Variants in DBT observed in about 807,000 individuals in gnomAD.
DBT encodes lipoamide acyltransferase component of branched-chain alpha-keto acid dehydrogenase complex, mitochondrial.
DBT carries 40 observed loss-of-function variants against 51.3 expected under a neutral mutation model. The ratio of observed to expected loss-of-function variants is 0.78; its 90% confidence interval spans 0.61 to 1.02. The LOEUF is 1.02. Among genes scored for constraint, DBT ranks in the 50% least tolerant of loss-of-function variants. The pLI, the probability that DBT is intolerant of heterozygous loss-of-function variation, is 0.00. For missense variants in DBT, 510 were observed against 580.2 expected, an observed-to-expected ratio of 0.88 and a Z score of 1.24; for synonymous variants, 181 against 190.4, an observed-to-expected ratio of 0.95 and a Z score of 0.41.
At chr1:100,203,117 C>A (rs1412534456) in intron 10 of DBT, among the ~76,000 whole-genome samples, 1 of 151,898 alleles carries the variant, frequency 6.6e-6, no homozygotes, top group Non-Finnish European at 1.5e-5. Context: ...CTGAAGGAGA[C>A]AGAGACACAA....
chr1:100,224,245 C>T (rs747856005), intron 4 of DBT, among the ~76,000 whole-genome samples: 4 of 151,998 alleles, frequency 2.6e-5, no homozygotes, highest in Admixed American at 6.6e-5. Context: ...ACTTTGTGTT[C>T]GTCTTTTATA....
intron 5 of DBT, among the ~76,000 whole-genome samples, chr1:100,216,635 G>A (rs761854108): frequency 6.6e-6 from 1 of 151,982 alleles, no homozygotes; most frequent in African/African-American, 2.4e-5. Context: ...ATTCTTACTC[G>A]ACCTTTTCTA....
chr1:100,210,323 A>G (rs1437509598), intron 8 of DBT, among the ~76,000 whole-genome samples: 2 of 63,274 alleles, frequency 3.2e-5, no homozygotes, highest in South Asian at 1.0e-3. Flanking sequence ...TAATAATAAT[A>G]ATAAGAAGAA....
At chr1:100,246,097 A>C (rs1490108216) in intron 1 of DBT, among the ~76,000 whole-genome samples, 1 of 152,096 alleles carries the variant, frequency 6.6e-6, no homozygotes, top group Non-Finnish European at 1.5e-5. Flanking sequence ...CCCCGTCTCT[A>C]TTAAAAATAC....
At chr1:100,235,680 C>G (rs970937969) in intron 2 of DBT, among the ~76,000 whole-genome samples, 169 bp from the exon 3 acceptor site, 1 of 152,100 alleles carries the variant, frequency 6.6e-6, no homozygotes, top group African/African-American at 2.4e-5. Flanking sequence ...TTATTCATAA[C>G]CATTAGAGAT....
In DBT at chr1:100,229,051, C is replaced by T. The variant is rs140900265; in HGVS notation, c.433+1682G>A. ...GTAGTAGGAAGCCTTCAATAAATCA[C>T]CTTCTAGCTTTTAGAAGCAACATGT... On this transcript the variant is annotated intron_variant, in intron 4 of 10. Transcript: ENST00000370132. Among the ~76,000 whole-genome samples, 252 of 152,340 alleles carry T rather than the reference C, an allele frequency of 1.7e-3. 2 individuals carry two copies. The highest frequency in any genetic ancestry group is 6.8e-3 in the Middle Eastern group (2 of 294).
rs909246677 is a variant in DBT at position 100,191,422 on chromosome 1, A to G, written c.*4833T>C. ...GCCTTCCACTCCCTACTCTACTGCC[A>G]CCTCAGCTTCCTCTCTATCCATGTC... On this transcript the variant is annotated 3_prime_UTR_variant, in exon 11 of 11. Coordinates refer to ENST00000370132, the MANE Select transcript of DBT (RefSeq NM_001918.5). 6.6e-6 allele frequency: 1 copy of G among 152,204 alleles called. No homozygotes were observed. The highest frequency in any genetic ancestry group is 2.4e-5 in the African/African-American group (1 of 41,462). 9.4% of individuals were successfully genotyped at this position (152,204 alleles called of 1,614,324 possible). A position where few individuals can be genotyped will look rare whatever the true frequency, so the allele number is the denominator to read the frequency against.
chr1:100,228,521 G>C (rs1239627726), intron 4 of DBT, among the ~76,000 whole-genome samples: 1 of 152,222 alleles, frequency 6.6e-6, no homozygotes, highest in African/African-American at 2.4e-5. Flanking sequence ...CACTTCAGGA[G>C]GATGCGGCCA....
rs1268121545 is a variant in DBT at position 100,194,781 on chromosome 1, T to C, written c.*1474A>G. 1.3e-5 allele frequency: 2 copies of C among 152,344 alleles called. No individual in the cohort carries two copies. Among genetic ancestry groups the C allele is most frequent in the South Asian group, 4.1e-4 (2 of 4,824 alleles). 9.4% of individuals were successfully genotyped at this position (152,344 alleles called of 1,614,324 possible). On this transcript the variant is annotated 3_prime_UTR_variant, in exon 11 of 11. Coordinates refer to ENST00000370132, the MANE Select transcript of DBT (RefSeq NM_001918.5). The stretch of plus-strand genomic sequence containing the variant: ...GTTACAAGTCATCACACCTGGCTGA[T>C]TTATTCTTTCCTGATTTTAAAATTA...
At chr1:100,211,970 C>T (rs1662171897) in intron 7 of DBT, among the ~76,000 whole-genome samples, 1 of 152,096 alleles carries the variant, frequency 6.6e-6, no homozygotes, top group Non-Finnish European at 1.5e-5. Context: ...TGGGGTTTCA[C>T]CATGTTGCCC....
chr1:100,243,080 A>G (rs1174435579), intron 1 of DBT, among the ~76,000 whole-genome samples: 2 of 151,854 alleles, frequency 1.3e-5, no homozygotes, highest in African/African-American at 4.8e-5. Flanking sequence ...AGCCTGGTCA[A>G]CATGACGAGA....
intron 1 of DBT, among the ~76,000 whole-genome samples, chr1:100,243,718 T>C (rs1664366524): frequency 6.6e-6 from 1 of 152,046 alleles, no homozygotes; most frequent in South Asian, 2.1e-4. Flanking sequence ...AAGTAATTTG[T>C]CCAAGGTCAC....
chr1:100,187,156 C>T lies in DBT; in HGVS notation c.*9099G>A, dbSNP rs1660604188. The T allele has an allele frequency of 6.6e-6, 1 of 152,120 alleles. No homozygotes were observed. The highest frequency in any genetic ancestry group is 2.4e-5 in the African/African-American group (1 of 41,416). 9.4% of individuals were successfully genotyped at this position (152,120 alleles called of 1,614,324 possible). On this transcript the variant is annotated 3_prime_UTR_variant, in exon 11 of 11. Coordinates refer to ENST00000370132, the MANE Select transcript of DBT (RefSeq NM_001918.5). Reference sequence around the variant, plus strand: ...ATAGTTCTCATATGAAATATATCACCTAAGCAGTAGTAATCAGAATATTCT... The same window carrying T: ...ATAGTTCTCATATGAAATATATCACTTAAGCAGTAGTAATCAGAATATTCT...
At position 100,235,564 on chromosome 1, in the gene DBT, A is replaced by G; in HGVS notation, c.176-53T>C. The G allele has an allele frequency of 4.3e-6, 4 of 935,606 alleles. No homozygotes were observed. In the Admixed American group the frequency reaches 5.3e-5, roughly 12 times the overall value. 58.0% of individuals were successfully genotyped at this position (935,606 alleles called of 1,614,324 possible). ...ATTAAGTATATAACATATTACTAAT[A>G]TATACTTTCACATCTAAAATTAGAG... On this transcript the variant is annotated intron_variant, in intron 2 of 10. Transcript: ENST00000370132.
Position 100,193,022 on chromosome 1 carries a change from G to A in DBT, c.*3233C>T, listed in dbSNP as rs2784174. On this transcript the variant is annotated 3_prime_UTR_variant, in exon 11 of 11. Transcript: ENST00000370132. Reference sequence around the variant, plus strand: ...GGACCAGCACTGCCACTAAGGCTGCGCTCCTGCCCCTTTGGCCCTCTTCAG... The same window carrying A: ...GGACCAGCACTGCCACTAAGGCTGCACTCCTGCCCCTTTGGCCCTCTTCAG... 0.76 allele frequency: 115,554 copies of A among 152,254 alleles called. 46,217 individuals carry two copies. The highest frequency in any genetic ancestry group is 0.95 in the East Asian group (4,937 of 5,186). The allele number at this position is 152,254 out of a possible 1,614,324, so 9.4% of individuals were successfully genotyped here.
intron 1 of DBT, among the ~76,000 whole-genome samples, chr1:100,248,294 A>G (rs1246967988): frequency 6.6e-6 from 1 of 152,208 alleles, no homozygotes; most frequent in Non-Finnish European, 1.5e-5. Context: ...GGAAATGACG[A>G]CATTGATAAT....
intron 10 of DBT, among the ~76,000 whole-genome samples, chr1:100,200,992 C>T (rs183620632): frequency 1.7e-3 from 262 of 152,204 alleles, no homozygotes; most frequent in African/African-American, 5.9e-3. Flanking sequence ...AAAACCAGGA[C>T]GCCTCTTCTC....
intron 8 of DBT, among the ~76,000 whole-genome samples, chr1:100,207,500 C>G (rs1443472721): frequency 1.3e-5 from 2 of 151,428 alleles, no homozygotes; most frequent in Non-Finnish European, 2.9e-5. Context: ...TATCAGAGCC[C>G]ATCAATAAAA....
chr1:100,197,059 A>G (rs540212270), intron 10 of DBT: 19 of 198,828 alleles, frequency 9.6e-5, no homozygotes, highest in African/African-American at 4.0e-4. Context: ...ATCTAAAATG[A>G]ACCCAGCTAA....
Sources: gnomAD v4.1 joint callset for allele counts (sites outside exome capture counted in the v4.1 genomes callset) on GRCh38, gnomAD v4.1.1 for gene constraint, MANE v1.5 for transcripts, NCBI Gene and HGNC (gene_info 2026-07-23, HGNC 2026-07-21) for gene names.